LRMDA: variants seen among roughly 807,000 people sequenced by gnomAD.
LRMDA encodes the protein leucine rich melanocyte differentiation associated, also known as leucine-rich melanocyte differentiation-associated protein.
LRMDA carries 18 observed loss-of-function variants against 29.8 expected under a neutral mutation model. The ratio of observed to expected loss-of-function variants is 0.60; its 90% CI spans 0.42 to 0.90. The LOEUF (loss-of-function observed/expected upper bound fraction) is 0.90. Among genes scored for constraint, LRMDA ranks in the 40% least tolerant of loss-of-function variants. The pLI, the probability that LRMDA is intolerant of heterozygous loss-of-function variation, is 0.00. For missense variants in LRMDA, 273 were observed against 273.9 expected, an observed-to-expected ratio of 1.00 and a Z score of 0.02; for synonymous variants, 125 against 109.4, an observed-to-expected ratio of 1.14 and a Z score of -0.89.
chr10:75,800,122 T>A (rs747300692), intron 2 of LRMDA, among the ~76,000 whole-genome samples: 4 of 152,200 alleles, frequency 2.6e-5, no homozygotes, highest in Non-Finnish European at 5.9e-5. Context: ...TTTCTTCTTT[T>A]ACCTCTGTCT....
intron 2 of LRMDA, among the ~76,000 whole-genome samples, chr10:75,702,730 T>C (rs566327228): frequency 3.9e-5 from 6 of 152,380 alleles, no homozygotes; most frequent in Admixed American, 3.9e-4. Flanking sequence ...GTAAGAGTTA[T>C]AGGCAATTAC....
intron 6 of LRMDA, among the ~76,000 whole-genome samples, chr10:76,547,207 A>G (rs1051618054): frequency 6.6e-6 from 1 of 152,146 alleles, no homozygotes. Flanking sequence ...AATGCAGGAA[A>G]TCTTTAGTAT....
chr10:75,481,911 C>T (rs1344465588), intron 2 of LRMDA, among the ~76,000 whole-genome samples: 3 of 152,170 alleles, frequency 2.0e-5, no homozygotes, highest in Non-Finnish European at 4.4e-5. Context: ...CTGCTTCATT[C>T]CTACTTGTCT....
chr10:76,292,713 A>G (rs1281369036), intron 5 of LRMDA, among the ~76,000 whole-genome samples: 2 of 151,922 alleles, frequency 1.3e-5, no homozygotes, highest in African/African-American at 4.8e-5. Flanking sequence ...TCGCTCCTGC[A>G]TTCTAGATAG....
At chr10:75,934,264 C>T (rs1004358553) in intron 2 of LRMDA, among the ~76,000 whole-genome samples, 1 of 152,132 alleles carries the variant, frequency 6.6e-6, no homozygotes, top group Non-Finnish European at 1.5e-5. Context: ...TCCCCTGAGC[C>T]ATTTCCTTTG....
chr10:76,466,649 A>G (rs1204537389), intron 6 of LRMDA, among the ~76,000 whole-genome samples: 1 of 152,136 alleles, frequency 6.6e-6, no homozygotes, highest in African/African-American at 2.4e-5. Flanking sequence ...GACAAAAGTT[A>G]TCCGGGCATG....
At chr10:75,724,373 A>G (rs1842605885) in intron 2 of LRMDA, among the ~76,000 whole-genome samples, 1 of 152,206 alleles carries the variant, frequency 6.6e-6, no homozygotes, top group African/African-American at 2.4e-5. Context: ...GAAAAAAGTA[A>G]CTTTTCCATT....
At chr10:76,336,826 A>G (rs995277303) in intron 6 of LRMDA, among the ~76,000 whole-genome samples, 2 of 152,222 alleles carry the variant, frequency 1.3e-5, no homozygotes, top group Admixed American at 1.3e-4. Context: ...GGAGAGTCAA[A>G]GAGGATAAGA....
At chr10:75,913,114 T>TC (rs1845867377) in intron 2 of LRMDA, among the ~76,000 whole-genome samples, 1 of 152,192 alleles carries the variant, frequency 6.6e-6, no homozygotes, top group Admixed American at 6.5e-5. Flanking sequence ...TAGTTTTTTT[T>TC]CTTAATGATT....
At chr10:76,477,013 C>A (rs1049016422) in intron 6 of LRMDA, among the ~76,000 whole-genome samples, 3 of 152,134 alleles carry the variant, frequency 2.0e-5, no homozygotes, top group African/African-American at 7.2e-5. Flanking sequence ...CCCTCTCTCA[C>A]CACTCCTATT....
At chr10:76,162,832 TC>T (rs1374425834) in intron 5 of LRMDA, among the ~76,000 whole-genome samples, 1 of 152,152 alleles carries the variant, frequency 6.6e-6, no homozygotes, top group Non-Finnish European at 1.5e-5. Context: ...ATGCAGGTGA[TC>T]ACTACCTACC....
intron 6 of LRMDA, among the ~76,000 whole-genome samples, chr10:76,431,668 C>T (rs554619436): frequency 3.5e-4 from 53 of 152,172 alleles, no homozygotes; most frequent in African/African-American, 1.2e-3. Flanking sequence ...ATGCTGGATT[C>T]GTTGTCATTG....
At chr10:75,692,735 C>G (rs372993608) in intron 2 of LRMDA, among the ~76,000 whole-genome samples, 8 of 152,070 alleles carry the variant, frequency 5.3e-5, no homozygotes, top group African/African-American at 1.9e-4. Flanking sequence ...GTTTCACTGT[C>G]TGAGGTTGCT....
At chr10:75,833,450 A>T (rs1844381057) in intron 2 of LRMDA, among the ~76,000 whole-genome samples, 1 of 151,280 alleles carries the variant, frequency 6.6e-6, no homozygotes, top group Non-Finnish European at 1.5e-5. Flanking sequence ...TCCTTTGATG[A>T]TCTCTTCTCT....
At chr10:76,306,634 A>G (rs1564718111) in intron 5 of LRMDA, among the ~76,000 whole-genome samples, 12 of 152,220 alleles carry the variant, frequency 7.9e-5, no homozygotes. Flanking sequence ...ATAGGCCTGA[A>G]AGATAAAGAG....
chr10:75,850,815 A>G (rs77702593), intron 2 of LRMDA, among the ~76,000 whole-genome samples: 2,022 of 152,240 alleles, frequency 0.013, 53 homozygotes, highest in African/African-American at 0.047. Flanking sequence ...CTGGAAGCTG[A>G]AACTTGAAAG....
chr10:76,406,322 T>C lies in LRMDA; in HGVS notation c.601+81837T>C, dbSNP rs183952771. 4.0e-4 allele frequency among the ~76,000 whole-genome samples: 61 copies of C among 152,304 alleles called. 2 individuals are homozygous for C. In the Middle Eastern group the frequency reaches 0.01, roughly 25 times the overall value. ...ACATGACCCACAAACTGTTAACATA[T>C]CAAAGGCAGTAGGGAGAGAGGTGTG... On this transcript the variant is annotated intron_variant, in intron 6 of 6. Coordinates refer to ENST00000611255, the MANE Select transcript of LRMDA (RefSeq NM_001305581.2).
At chr10:75,711,941 C>T (rs190450357) in intron 2 of LRMDA, among the ~76,000 whole-genome samples, 83 of 151,968 alleles carry the variant, frequency 5.5e-4, no homozygotes, top group African/African-American at 1.6e-3. Flanking sequence ...CACACACACA[C>T]GTATATATGT....
At chr10:75,602,180 G>A (rs940824163) in intron 2 of LRMDA, among the ~76,000 whole-genome samples, 1 of 150,770 alleles carries the variant, frequency 6.6e-6, no homozygotes, top group African/African-American at 2.5e-5. Context: ...TTATTAGGAG[G>A]AAAAAATAAC....
Sources: gnomAD v4.1 joint callset for allele counts (sites outside exome capture counted in the v4.1 genomes callset) on GRCh38, gnomAD v4.1.1 for gene constraint, MANE v1.5 for transcripts, NCBI Gene and HGNC (gene_info 2026-07-23, HGNC 2026-07-21) for gene names.